The following ABCA12 variants were observed in gnomAD, a reference collection of about 807,000 sequenced individuals.
ABCA12 encodes the protein ATP binding cassette subfamily A member 12.
ABCA12 carries 156 observed loss-of-function variants against 293.5 expected under a neutral mutation model. The ratio of observed to expected loss-of-function variants is 0.53; its 90% CI spans 0.47 to 0.61. The LOEUF (loss-of-function observed/expected upper bound fraction) is 0.61. ABCA12 is among the 20% of genes least tolerant of loss of function. The pLI is 0.00. For missense variants in ABCA12, 2,797 were observed against 3,090.2 expected (o/e 0.91, Z 2.25); for synonymous variants, 1,063 against 1,108.0 (o/e 0.96, Z 0.81).
At position 214,945,065 on chromosome 2, in the gene ABCA12, G is replaced by A; in HGVS notation, c.7279C>T (p.His2427Tyr). Residue 2427 changes from histidine to tyrosine, a missense_variant, in exon 49 of 53, where the codon CAC becomes TAC. By Grantham distance (83) the His-to-Tyr change is moderately conservative. Transcript: ENST00000272895. The part of the protein sequence containing the change: ...SSGMDPKSKR[H>Y]LWKIISEEVQ... Reference sequence around the variant, plus strand: ...TCTTCTGAAATGATCTTCCAGAGGTGCCGTTTCGACTTCGGATCCATGCCA... The same window carrying A: ...TCTTCTGAAATGATCTTCCAGAGGTACCGTTTCGACTTCGGATCCATGCCA... The A allele has an allele frequency of 6.2e-7, 1 of 1,613,746 alleles. No homozygotes were observed. Among genetic ancestry groups the A allele is most frequent in the East Asian group, 2.2e-5 (1 of 44,858 alleles).
At chr2:215,037,146 G>A in intron 7 of ABCA12, 81 bp from the exon 8 acceptor site, 1 of 1,032,734 alleles carries the variant, frequency 9.7e-7, no homozygotes. Flanking sequence ...AGGAGAAAAT[G>A]GCTACAGTAT....
At chr2:215,043,427 TA>T (rs1701140879) in intron 7 of ABCA12, among the ~76,000 whole-genome samples, 1 of 151,694 alleles carries the variant, frequency 6.6e-6, no homozygotes, top group Non-Finnish European at 1.5e-5. Flanking sequence ...TAAAGGGAAT[TA>T]AAATAGCTGC....
intron 8 of ABCA12, among the ~76,000 whole-genome samples, chr2:215,033,013 G>A (rs1018169909): frequency 1.3e-5 from 2 of 152,282 alleles, no homozygotes; most frequent in African/African-American, 2.4e-5. Flanking sequence ...TCTGTCACCT[G>A]TATCAGTCAT....
At chr2:215,113,326 T>A (rs1702617254) in intron 1 of ABCA12, among the ~76,000 whole-genome samples, 1 of 152,178 alleles carries the variant, frequency 6.6e-6, no homozygotes, top group Non-Finnish European at 1.5e-5. Context: ...TCACTATAGA[T>A]CCAAGGAATC....
intron 20 of ABCA12, among the ~76,000 whole-genome samples, 166 bp from the exon 21 acceptor site, chr2:215,001,903 C>A (rs999528692): frequency 6.6e-6 from 1 of 152,064 alleles, no homozygotes; most frequent in African/African-American, 2.4e-5. Context: ...GAAAATGGGT[C>A]GTTATGCAAA....
chr2:214,983,502 A>C, intron 29 of ABCA12, 145 bp downstream of exon 29: 1 of 787,922 alleles, frequency 1.3e-6, no homozygotes, highest in Non-Finnish European at 2.2e-6. Flanking sequence ...AAATGTTTGC[A>C]ATATTAAATA....
At chr2:215,075,456 G>T (rs373032833) in intron 2 of ABCA12, 19 of 646,272 alleles carry the variant, frequency 2.9e-5, no homozygotes, top group African/African-American at 2.8e-4. Flanking sequence ...TGAAGGTTCA[G>T]ACAGGAGCGA....
rs115558427 is a variant in ABCA12 at position 215,079,395 on chromosome 2, C to A, written c.164-15176G>T. On this transcript the variant is annotated intron_variant, in intron 2 of 52. Transcript: ENST00000272895. ...AGTGAGGGAACCTTACTAAACAGCC[C>A]GTGTTCGGTATCAACTCCTTGGTGC... 5.9e-3 allele frequency among the ~76,000 whole-genome samples: 898 copies of A among 152,220 alleles called. 7 individuals carry two copies. Among genetic ancestry groups the A allele is most frequent in the African/African-American group, 0.02 (817 of 41,530 alleles).
At position 214,986,624 on chromosome 2, in the gene ABCA12, C is replaced by T; in HGVS notation, c.4081G>A (p.Val1361Ile). The T allele has an allele frequency of 6.2e-7, 1 of 1,614,050 alleles. No homozygotes were observed. The highest frequency in any genetic ancestry group is 1.1e-5 in the South Asian group (1 of 91,080). The stretch of plus-strand genomic sequence containing the variant: ...TAAAAGTTCAGATTGAGGTTATCAA[C>T]AGCAACTTTTGAGCCATAGATCTTT... The part of the protein sequence containing the change: ...VTKIYGSKVA[V>I]DNLNLNFYEG... The change falls in exon 28 of 53, where the codon GTT (valine) becomes ATT (isoleucine). Residue 1361 changes from valine (V) to isoleucine (I), a missense_variant. Coordinates refer to ENST00000272895, the MANE Select transcript of ABCA12 (RefSeq NM_173076.3).
chr2:215,025,533 A>G (rs967438411), intron 11 of ABCA12, 140 bp downstream of exon 11: 3 of 633,722 alleles, frequency 4.7e-6, no homozygotes, highest in Non-Finnish European at 5.4e-6. Context: ...AAATAGCATC[A>G]TTATTTACAA....
chr2:215,059,977 C>T (rs1701495692), intron 3 of ABCA12, among the ~76,000 whole-genome samples: 1 of 151,984 alleles, frequency 6.6e-6, no homozygotes. Context: ...TATCTGTTCT[C>T]AATGACGACA....
chr2:215,072,211 T>G (rs1267184296), intron 2 of ABCA12, among the ~76,000 whole-genome samples: 1 of 152,152 alleles, frequency 6.6e-6, no homozygotes, highest in Non-Finnish European at 1.5e-5. Flanking sequence ...TCCTACAATG[T>G]CGGGATCTTT....
At chr2:215,011,791 A>G (rs1309110924) in intron 16 of ABCA12, 142 bp from the exon 17 acceptor site, 2 of 1,144,918 alleles carry the variant, frequency 1.7e-6, no homozygotes, top group East Asian at 4.8e-5. Context: ...CCAAATGTAA[A>G]TGAAGAACAA....
rs1021376185 is a variant in ABCA12 at position 214,949,377 on chromosome 2, T to TATAC, written c.6853-229_6853-228insGTAT. Among the ~76,000 whole-genome samples the TATAC allele has an allele frequency of 1.5e-3, 210 of 143,128 alleles. 1 individual carries two copies. Among genetic ancestry groups the TATAC allele is most frequent in the African/African-American group, 4.0e-3 (152 of 37,532 alleles). The allele number at this position is 143,128 out of a possible 152,430, so 93.9% of individuals were successfully genotyped here. A position where few individuals can be genotyped will look rare whatever the true frequency, so the allele number is the denominator to read the frequency against. On this transcript the variant is annotated intron_variant, in intron 45 of 52. Coordinates refer to ENST00000272895, the MANE Select transcript of ABCA12 (RefSeq NM_173076.3). ...ATCTGAATATATATATATATATATATACACACACACACACACACACACACA... is the reference window on the plus strand; with the variant it reads ...ATCTGAATATATATATATATATATATATACACACACACACACACACACACACACA...
rs1190601872 is a variant in ABCA12 at position 214,956,772 on chromosome 2, A to G, written c.6124T>C (p.Tyr2042His). The change falls in exon 42 of 53, where the codon TAC becomes CAC. Residue 2042 changes from tyrosine (Y) to histidine (H), a missense_variant. Physicochemically the swap from Tyr to His is moderately conservative, Grantham distance 83. This residue lies in a region of ABCA12 where 2,130 missense variants were observed against 2,427.0 expected (regional missense o/e 0.88). Coordinates refer to ENST00000272895, the MANE Select transcript of ABCA12 (RefSeq NM_173076.3). ...ATTGAAAACGCTACAGGCACCAAGT[A>G]GAAAACCTATGGAAATATTCAAAAC... ...VTNFIYDMVF[Y>H]LVPVAFSIGI... The G allele has an allele frequency of 6.2e-7, 1 of 1,608,914 alleles. No individual in the cohort carries two copies. Among genetic ancestry groups the G allele is most frequent in the East Asian group, 2.2e-5 (1 of 44,796 alleles).
chr2:215,104,876 C>T (rs553137424), intron 2 of ABCA12, among the ~76,000 whole-genome samples: 10 of 152,290 alleles, frequency 6.6e-5, no homozygotes, highest in African/African-American at 2.4e-4. Context: ...TTCTTTCCCC[C>T]ATATGGGCAT....
chr2:214,937,441 G>T, intron 51 of ABCA12, 69 bp downstream of exon 51: 1 of 1,247,730 alleles, frequency 8.0e-7, no homozygotes, highest in Non-Finnish European at 1.2e-6. Flanking sequence ...TCAAGTGATT[G>T]CCCGCCTCGG....
intron 5 of ABCA12, among the ~76,000 whole-genome samples, chr2:215,050,155 T>C (rs1168763719): frequency 1.3e-5 from 2 of 152,168 alleles, no homozygotes; most frequent in African/African-American, 4.8e-5. Flanking sequence ...TTTCTGGACA[T>C]TGAGTAGCAG....
chr2:215,078,530 T>C (rs554039745), intron 2 of ABCA12, among the ~76,000 whole-genome samples: 1 of 152,226 alleles, frequency 6.6e-6, no homozygotes, highest in African/African-American at 2.4e-5. Context: ...GCAGTCCTAG[T>C]TGATAAGTAT....
Sources: gnomAD v4.1 joint callset for allele counts (sites outside exome capture counted in the v4.1 genomes callset) on GRCh38, gnomAD v4.1.1 for gene constraint, gnomAD v4.1.1 regional missense constraint, MANE v1.5 for transcripts, NCBI Gene and HGNC (gene_info 2026-07-23, HGNC 2026-07-21) for gene names.